The following KCNT2 variants were observed in gnomAD, a reference collection of about 807,000 sequenced individuals.
The protein encoded by KCNT2 is potassium sodium-activated channel subfamily T member 2.
KCNT2 carries 67 observed loss-of-function variants against 153.8 expected under a neutral mutation model. That is an observed-to-expected ratio of 0.44 (90% CI 0.36 to 0.53). The LOEUF (loss-of-function observed/expected upper bound fraction) is 0.53, where lower values mean the gene tolerates loss of function less well. Among genes scored for constraint, KCNT2 ranks in the 20% least tolerant of loss-of-function variants. KCNT2 has a pLI of 0.00. For synonymous variants in KCNT2, 500 were observed against 458.8 expected (o/e 1.09, Z -1.15); for missense variants, 975 against 1,354.8 (o/e 0.72, Z 4.40).
At chr1:196,355,642 C>T (rs112355563) in intron 14 of KCNT2, among the ~76,000 whole-genome samples, 7,514 of 151,720 alleles carry the variant, frequency 0.05, 283 homozygotes, top group Non-Finnish European at 0.072. Context: ...TAACTCTCAA[C>T]GGGTTTTTTG....
intron 12 of KCNT2, among the ~76,000 whole-genome samples, chr1:196,412,095 C>T (rs1272041322): frequency 6.6e-6 from 1 of 151,732 alleles, no homozygotes; most frequent in African/African-American, 2.4e-5. Flanking sequence ...AAATAATGAG[C>T]TTAATGATTA....
intron 12 of KCNT2, among the ~76,000 whole-genome samples, chr1:196,410,206 T>C (rs959121322): frequency 5.9e-5 from 9 of 151,756 alleles, no homozygotes; most frequent in African/African-American, 2.2e-4. Context: ...TAGAAATTCC[T>C]TATATAGTTT....
At chr1:196,535,174 A>G (rs1655395780) in intron 1 of KCNT2, among the ~76,000 whole-genome samples, 1 of 152,186 alleles carries the variant, frequency 6.6e-6, no homozygotes, top group Non-Finnish European at 1.5e-5. Flanking sequence ...CAGAGTCCCA[A>G]CATTCTAGGA....
At chr1:196,375,425 C>A (rs189308210) in intron 13 of KCNT2, among the ~76,000 whole-genome samples, 1 of 151,560 alleles carries the variant, frequency 6.6e-6, no homozygotes, top group African/African-American at 2.4e-5. Context: ...GATGCAACTG[C>A]GGTGTAAATT....
intron 14 of KCNT2, among the ~76,000 whole-genome samples, chr1:196,354,834 T>C (rs191834116): frequency 1.6e-4 from 24 of 151,968 alleles, no homozygotes; most frequent in African/African-American, 5.1e-4. Context: ...GTTTGTATAC[T>C]TCCCAGGGTG....
intron 26 of KCNT2, among the ~76,000 whole-genome samples, chr1:196,254,055 A>G (rs752230024): frequency 2.0e-5 from 3 of 151,520 alleles, no homozygotes; most frequent in Non-Finnish European, 4.4e-5. Flanking sequence ...AAAACTTTAT[A>G]TTTTAATTTA....
At chr1:196,327,265 A>T (rs1663954308) in intron 18 of KCNT2, among the ~76,000 whole-genome samples, 1 of 152,040 alleles carries the variant, frequency 6.6e-6, no homozygotes, top group African/African-American at 2.4e-5. Context: ...TAACTTCAGG[A>T]ACATTCCCAG....
chr1:196,512,115 A>AT (rs945699161), intron 1 of KCNT2, among the ~76,000 whole-genome samples: 16 of 152,270 alleles, frequency 1.1e-4, no homozygotes, highest in Non-Finnish European at 1.5e-4. Flanking sequence ...TTCTATCAGC[A>AT]TTAGGCACAG....
At chr1:196,428,311 G>A (rs758459326) in intron 9 of KCNT2, 42 bp from the exon 10 acceptor site, 2 of 1,440,608 alleles carry the variant, frequency 1.4e-6, no homozygotes, top group Non-Finnish European at 9.7e-7. Flanking sequence ...ACACAGTAAG[G>A]AAATAAATAA....
intron 26 of KCNT2, chr1:196,257,919 T>A: frequency 1.0e-6 from 1 of 957,478 alleles, no homozygotes; most frequent in Non-Finnish European, 1.2e-6. Flanking sequence ...AAACACAGGG[T>A]CTGGCTCAGA....
At chr1:196,555,187 A>T (rs1400134897) in intron 1 of KCNT2, among the ~76,000 whole-genome samples, 2 of 151,346 alleles carry the variant, frequency 1.3e-5, no homozygotes, top group East Asian at 1.9e-4. Context: ...TTGGAAAGGA[A>T]GAAATCACAT....
intron 1 of KCNT2, among the ~76,000 whole-genome samples, chr1:196,516,855 G>A (rs959770707): frequency 3.9e-5 from 6 of 152,168 alleles, no homozygotes; most frequent in Admixed American, 3.3e-4. Context: ...GGTGACTAGA[G>A]ACTAGAGCAG....
intron 13 of KCNT2, among the ~76,000 whole-genome samples, chr1:196,375,457 T>A (rs182154814): frequency 7.8e-4 from 119 of 151,968 alleles, no homozygotes; most frequent in Non-Finnish European, 1.5e-3. Context: ...TACTTTATTA[T>A]GTTTAGCATT....
intron 26 of KCNT2, among the ~76,000 whole-genome samples, chr1:196,237,244 G>T (rs941865802): frequency 6.6e-6 from 1 of 151,642 alleles, no homozygotes; most frequent in African/African-American, 2.4e-5. Context: ...TTCCTCTAAC[G>T]AGAAACCTGT....
chr1:196,308,412 A>G (rs1240006825), intron 21 of KCNT2, among the ~76,000 whole-genome samples: 2 of 151,984 alleles, frequency 1.3e-5, no homozygotes, highest in Non-Finnish European at 2.9e-5. Context: ...GCCCTCTAGG[A>G]CAAGTCTTGT....
In KCNT2 at chr1:196,334,487, C is replaced by CTTTTTTTTTTTTTTT. The variant is rs533230418; in HGVS notation, c.1784-428_1784-427insAAAAAAAAAAAAAAA. On this transcript the variant is annotated intron_variant, in intron 16 of 27. Transcript: ENST00000294725. The stretch of plus-strand genomic sequence containing the variant: ...TTTTCTTTTATTTCTTTCTTTCTTT[C>CTTTTTTTTTTTTTTT]TTTTTTTTTTTTAAGACAGAGTCTC... Among the ~76,000 whole-genome samples, 16 of 87,284 alleles carry CTTTTTTTTTTTTTTT rather than the reference C, an allele frequency of 1.8e-4. 1 individual carries two copies. Among genetic ancestry groups the CTTTTTTTTTTTTTTT allele is most frequent in the South Asian group, 5.1e-4 (1 of 1,968 alleles). 57.3% of individuals were successfully genotyped at this position (87,284 alleles called of 152,430 possible).
rs558778819 is a variant in KCNT2, at chr1:196,498,192, A to T, written c.96-5851T>A. Among the ~76,000 whole-genome samples, 6 of 152,320 alleles carry T rather than the reference A, an allele frequency of 3.9e-5. No homozygotes were observed. The East Asian group carries it at 9.6e-4, about 24-fold the overall frequency. ...TTCACTCTTAAAATTCTTATTCAAT[A>T]AATTTAAATCAGGCCTCGTCATTTT... On this transcript the variant is annotated intron_variant, in intron 1 of 27. Transcript: ENST00000294725.
chr1:196,333,345 T>C (rs1419934597), intron 17 of KCNT2, among the ~76,000 whole-genome samples: 3 of 152,072 alleles, frequency 2.0e-5, no homozygotes, highest in Non-Finnish European at 4.4e-5. Context: ...AGGGAAACAG[T>C]ACTCCTTTTA....
intron 1 of KCNT2, among the ~76,000 whole-genome samples, chr1:196,506,145 T>A (rs574500163): frequency 1.3e-5 from 2 of 152,244 alleles, no homozygotes; most frequent in Non-Finnish European, 2.9e-5. Context: ...TGTAGTATAG[T>A]GTAAGAGCTA....
Sources: gnomAD v4.1 joint callset for allele counts (sites outside exome capture counted in the v4.1 genomes callset) on GRCh38, gnomAD v4.1.1 for gene constraint, MANE v1.5 for transcripts, NCBI Gene and HGNC (gene_info 2026-07-23, HGNC 2026-07-21) for gene names.